The following MSI2 variants were observed in gnomAD, a reference collection of about 807,000 sequenced individuals.
MSI2 encodes RNA-binding protein Musashi homolog 2.
In MSI2, 17 loss-of-function variants were observed where a neutral mutation model predicts 45.6. The ratio of observed to expected loss-of-function variants is 0.37; its 90% CI spans 0.26 to 0.56. The LOEUF (loss-of-function observed/expected upper bound fraction) is 0.56, where lower values mean the gene tolerates loss of function less well. Ranked by LOEUF, MSI2 falls within the 20% of genes least tolerant of loss-of-function variation. The pLI is 0.77. For synonymous variants in MSI2, 156 were observed against 158.2 expected (o/e 0.99, Z 0.11); for missense variants, 293 against 444.2 (o/e 0.66, Z 3.06).
downstream of MSI2, among the ~76,000 whole-genome samples, chr17:57,689,188 T>A (rs76078279): frequency 2.4e-3 from 364 of 152,006 alleles, 1 homozygote; most frequent in Non-Finnish European, 3.5e-3. Context: ...TCTTTTTTTT[T>A]AATTGTACTT....
At chr17:57,615,869 G>A (rs1248661613) in intron 8 of MSI2, 101 bp from the exon 9 acceptor site, 2 of 889,824 alleles carry the variant, frequency 2.2e-6, no homozygotes, top group East Asian at 2.5e-5. Flanking sequence ...TGGGTAAGGA[G>A]CAAGGCTAAA....
chr17:57,392,042 C>T (rs1447637816), intron 5 of MSI2, among the ~76,000 whole-genome samples: 2 of 152,196 alleles, frequency 1.3e-5, no homozygotes, highest in African/African-American at 4.8e-5. Context: ...AAACCGCCTG[C>T]AGATGCAGAG....
chr17:57,462,043 G>T (rs1034702262), intron 6 of MSI2, among the ~76,000 whole-genome samples: 1 of 152,198 alleles, frequency 6.6e-6, no homozygotes, highest in African/African-American at 2.4e-5. Flanking sequence ...TGCGGGCAGG[G>T]TTGGTTCCTG....
At chr17:57,599,424 A>G (rs1905615657) in intron 8 of MSI2, among the ~76,000 whole-genome samples, 2 of 152,190 alleles carry the variant, frequency 1.3e-5, no homozygotes, top group African/African-American at 2.4e-5. Flanking sequence ...CCGGGCAGCA[A>G]TCAGGAAGTA....
At chr17:57,578,731 T>A (rs780434674) in intron 7 of MSI2, among the ~76,000 whole-genome samples, 5 of 152,122 alleles carry the variant, frequency 3.3e-5, no homozygotes, top group African/African-American at 4.8e-5. Context: ...ATTAGTTGCC[T>A]TGCTACTTGG....
chr17:57,421,417 CAGA>C (rs1191848073), intron 6 of MSI2, among the ~76,000 whole-genome samples: 1 of 151,854 alleles, frequency 6.6e-6, no homozygotes, highest in Non-Finnish European at 1.5e-5. Context: ...CGGAGTAGAT[CAGA>C]AGGAGAGGTT....
At chr17:57,579,668 C>T (rs2088148897) in intron 7 of MSI2, among the ~76,000 whole-genome samples, 1 of 152,222 alleles carries the variant, frequency 6.6e-6, no homozygotes, top group African/African-American at 2.4e-5. Context: ...GAACCCACAT[C>T]CTACAGGGCC....
chr17:57,336,179 G>A (rs1234769666), intron 5 of MSI2, among the ~76,000 whole-genome samples: 2 of 152,304 alleles, frequency 1.3e-5, no homozygotes, highest in Admixed American at 6.5e-5. Context: ...GAAGTGGTTA[G>A]ATTCCAGCTA....
chr17:57,279,651 T>C (rs1014537685), intron 5 of MSI2: 9 of 151,768 alleles, frequency 5.9e-5, no homozygotes, highest in Non-Finnish European at 7.4e-5. Context: ...CTTTCTTTTT[T>C]CTTTTTTTTG....
intron 6 of MSI2, chr17:57,448,825 C>G (rs2084945371): frequency 6.6e-6 from 1 of 152,214 alleles, no homozygotes; most frequent in Non-Finnish European, 1.5e-5. Flanking sequence ...CACTTACTAG[C>G]TTGGACCTTG....
intron 6 of MSI2, among the ~76,000 whole-genome samples, chr17:57,440,416 G>GTGTGTA (rs2084777112): frequency 1.3e-5 from 1 of 78,842 alleles, no homozygotes; most frequent in Non-Finnish European, 2.8e-5. Context: ...TGTTATCCGT[G>GTGTGTA]TGTGTGTGTG....
intron 6 of MSI2, among the ~76,000 whole-genome samples, chr17:57,516,198 A>G (rs1318761048): frequency 6.6e-6 from 1 of 152,298 alleles, no homozygotes; most frequent in Non-Finnish European, 1.5e-5. Context: ...CTTAATAGTT[A>G]CACCCTGGCC....
chr17:57,485,427 G>A (rs932468940), intron 6 of MSI2, among the ~76,000 whole-genome samples: 15 of 152,126 alleles, frequency 9.9e-5, no homozygotes, highest in South Asian at 4.1e-4. Flanking sequence ...ATTTGCCTGC[G>A]TATCTGGAAA....
intron 8 of MSI2, 57 bp downstream of exon 8, chr17:57,597,007 C>A: frequency 1.6e-6 from 2 of 1,276,846 alleles, no homozygotes; most frequent in South Asian, 2.4e-5. Context: ...CGTACACACC[C>A]AGTCTTGCAG....
intron 5 of MSI2, among the ~76,000 whole-genome samples, chr17:57,395,966 C>G (rs941990161): frequency 6.6e-6 from 1 of 152,230 alleles, no homozygotes; most frequent in Non-Finnish European, 1.5e-5. Flanking sequence ...TTTGCAGCAT[C>G]CTACCCAGTG....
chr17:57,343,929 T>C (rs1264867283), intron 5 of MSI2, among the ~76,000 whole-genome samples: 1 of 152,234 alleles, frequency 6.6e-6, no homozygotes, highest in East Asian at 1.9e-4. Context: ...TGTTTTTGTG[T>C]CCTTCTCAGG....
chr17:57,326,247 T>C (rs1457267486), intron 5 of MSI2, among the ~76,000 whole-genome samples: 2 of 152,108 alleles, frequency 1.3e-5, no homozygotes, highest in Non-Finnish European at 2.9e-5. Flanking sequence ...ATCTGAACTG[T>C]CTTCAGACAC....
rs1406229405 is a variant in MSI2 at position 57,627,529 on chromosome 17, CT to C, written c.727+230del. 1 of 578,092 alleles carries C rather than the reference CT, an allele frequency of 1.7e-6. No homozygotes were observed. The highest frequency in any genetic ancestry group is 3.1e-6 in the Non-Finnish European group (1 of 325,120). 35.8% of individuals were successfully genotyped at this position (578,092 alleles called of 1,614,324 possible). A position where few individuals can be genotyped will look rare whatever the true frequency, so the allele number is the denominator to read the frequency against. ...GGTGCCGGGTATTTGAGAACGGCAG[CT>C]TTTAAAGGGAAAGCAGAACGGAGGC... On this transcript the variant is annotated intron_variant, in intron 10 of 13. Coordinates refer to ENST00000284073, the MANE Select transcript of MSI2 (RefSeq NM_138962.4). This position sits in a 1 kb window ranked among gnomAD's most constrained non-coding sequence, Gnocchi z 4.6.
At chr17:57,263,272 C>G (rs1026584073) in intron 5 of MSI2, among the ~76,000 whole-genome samples, 1 of 152,200 alleles carries the variant, frequency 6.6e-6, no homozygotes. Context: ...CCTTCTTTCT[C>G]TCCCTCCCTC....
Sources: allele counts gnomAD v4.1 joint callset (sites outside exome capture counted in the v4.1 genomes callset), GRCh38; gene constraint gnomAD v4.1.1; non-coding constraint Gnocchi (gnomAD v3.1); transcripts MANE v1.5; gene names NCBI Gene and HGNC (gene_info 2026-07-23, HGNC 2026-07-21).